The following ECT2L variants were observed in gnomAD, a reference collection of about 807,000 sequenced individuals.
ECT2L encodes the protein epithelial cell transforming 2 like.
ECT2L carries 126 observed loss-of-function variants against 122.8 expected under a neutral mutation model. The ratio of observed to expected loss-of-function variants is 1.03; its 90% confidence interval spans 0.89 to 1.19. ECT2L has a LOEUF of 1.19. Among genes scored for constraint, ECT2L ranks in the 50% most tolerant of loss-of-function variants. ECT2L has a pLI of 0.00. For missense variants in ECT2L, 1,012 were observed against 1,064.1 expected (o/e 0.95, Z 0.68); for synonymous variants, 385 against 381.8 (o/e 1.01, Z -0.10).
At chr6:138,820,517 T>A (rs1336360120) in intron 4 of ECT2L, among the ~76,000 whole-genome samples, 1 of 152,102 alleles carries the variant, frequency 6.6e-6, no homozygotes, top group Non-Finnish European at 1.5e-5. Context: ...TTGCTAAATC[T>A]GAAGCTGCCG....
chr6:138,864,879 GA>G (rs1479742895), intron 11 of ECT2L, 116 bp from the exon 12 acceptor site: 14 of 966,968 alleles, frequency 1.4e-5, no homozygotes, highest in Non-Finnish European at 2.1e-5. Context: ...CTTCTAATGA[GA>G]AACGATAATA....
At chr6:138,857,329 A>T (rs928866885) in intron 10 of ECT2L, among the ~76,000 whole-genome samples, 2 of 152,150 alleles carry the variant, frequency 1.3e-5, no homozygotes, top group African/African-American at 4.8e-5. Context: ...TGGTTAAACT[A>T]CACATTGCTG....
chr6:138,894,159 C>A (rs112406868), intron 20 of ECT2L, among the ~76,000 whole-genome samples: 2 of 152,204 alleles, frequency 1.3e-5, no homozygotes, highest in East Asian at 3.9e-4. Context: ...CAGGTTCAAG[C>A]GATTCTCCTG....
At chr6:138,830,748 A>AT (rs1157628259) in intron 4 of ECT2L, among the ~76,000 whole-genome samples, 7 of 152,126 alleles carry the variant, frequency 4.6e-5, no homozygotes, top group South Asian at 2.1e-4. Flanking sequence ...TGTCCTTTCC[A>AT]TGTTGTTTAA....
chr6:138,817,300 T>G (rs1473084084), intron 4 of ECT2L, among the ~76,000 whole-genome samples: 1 of 152,214 alleles, frequency 6.6e-6, no homozygotes, highest in Non-Finnish European at 1.5e-5. Flanking sequence ...CATATAGGAG[T>G]GGAATTGCTG....
intron 1 of ECT2L, among the ~76,000 whole-genome samples, chr6:138,798,753 A>ACTC (rs1583532513): frequency 6.6e-6 from 1 of 152,142 alleles, no homozygotes; most frequent in Non-Finnish European, 1.5e-5. Flanking sequence ...CCTAAGATGG[A>ACTC]CTCTGTACTT....
chr6:138,809,381 G>T (rs1441278533), intron 1 of ECT2L, among the ~76,000 whole-genome samples: 1 of 152,194 alleles, frequency 6.6e-6, no homozygotes, highest in Non-Finnish European at 1.5e-5. Context: ...TGGGAGGCTT[G>T]CATGAGTCTG....
intron 20 of ECT2L, among the ~76,000 whole-genome samples, chr6:138,895,001 G>C (rs193101549): frequency 3.9e-4 from 59 of 152,112 alleles, no homozygotes; most frequent in Admixed American, 3.2e-3. Context: ...GCTCATTCCC[G>C]TAATCCCAGC....
At chr6:138,840,648 T>C (rs1310180773) in intron 5 of ECT2L, among the ~76,000 whole-genome samples, 1 of 152,158 alleles carries the variant, frequency 6.6e-6, no homozygotes, top group Non-Finnish European at 1.5e-5. Flanking sequence ...TCAGAAGTTT[T>C]ATTGTTGATC....
At chr6:138,871,686 G>C (rs1778258430) in intron 13 of ECT2L, among the ~76,000 whole-genome samples, 2 of 152,056 alleles carry the variant, frequency 1.3e-5, no homozygotes, top group South Asian at 4.2e-4. Flanking sequence ...CACACCTGTA[G>C]TTCCAGCTAC....
intron 12 of ECT2L, among the ~76,000 whole-genome samples, chr6:138,867,202 A>G (rs1014726492): frequency 6.6e-6 from 1 of 152,206 alleles, no homozygotes; most frequent in Non-Finnish European, 1.5e-5. Context: ...TCCTTTTCAC[A>G]TGCTCTCTCC....
intron 10 of ECT2L, among the ~76,000 whole-genome samples, chr6:138,857,395 CCTTT>C (rs1190893317): frequency 6.6e-6 from 1 of 152,066 alleles, no homozygotes; most frequent in South Asian, 2.1e-4. Flanking sequence ...GGAGAATTTT[CCTTT>C]CTATCAAGTT....
Position 138,876,559 on chromosome 6 carries a change from G to C in ECT2L, c.1665+1G>C, listed in dbSNP as rs1425537516. The C allele has an allele frequency of 1.3e-6, 2 of 1,598,026 alleles. No homozygotes were observed. The highest frequency in any genetic ancestry group is 1.7e-6 in the Non-Finnish European group (2 of 1,166,568). ...AAATTTTGAAGCACTGATTAATCTGGTAAGCTATTATATAATGTAACTTTA... is the reference window on the plus strand; with the variant it reads ...AAATTTTGAAGCACTGATTAATCTGCTAAGCTATTATATAATGTAACTTTA... On this transcript the variant is annotated splice_donor_variant, in intron 14 of 21. Coordinates refer to ENST00000541398, the MANE Select transcript of ECT2L (RefSeq NM_001077706.3). LOFTEE classifies it high-confidence loss of function.
At chr6:138,865,973 G>C (rs1163680703) in intron 12 of ECT2L, among the ~76,000 whole-genome samples, 1 of 152,154 alleles carries the variant, frequency 6.6e-6, no homozygotes, top group African/African-American at 2.4e-5. Flanking sequence ...TAACACGCAA[G>C]CGTGCAAGTA....
At chr6:138,850,176 T>C (rs1777385195) in intron 9 of ECT2L, among the ~76,000 whole-genome samples, 1 of 152,052 alleles carries the variant, frequency 6.6e-6, no homozygotes, top group African/African-American at 2.4e-5. Flanking sequence ...GTCTTGCTCT[T>C]GTCGCCCAGG....
chr6:138,850,657 T>C (rs921930138), intron 9 of ECT2L, among the ~76,000 whole-genome samples: 1 of 152,238 alleles, frequency 6.6e-6, no homozygotes, highest in Non-Finnish European at 1.5e-5. Context: ...TTTGGATATA[T>C]ACCCAGAAAT....
chr6:138,881,188 T>C lies in ECT2L; in HGVS notation c.1880+17T>C, dbSNP rs770906141. ...TCTCAACAGGTAAACCCTGAATATG[T>C]ATTTTTTTTAATATTCATTGTGCAC... On this transcript the variant is annotated intron_variant, in intron 15 of 21. Coordinates refer to ENST00000541398, the MANE Select transcript of ECT2L (RefSeq NM_001077706.3). 4 of 1,604,420 alleles carry C rather than the reference T, an allele frequency of 2.5e-6. No homozygotes were observed. The highest frequency in any genetic ancestry group is 1.1e-5 in the South Asian group (1 of 90,232).
At chr6:138,883,305 G>T (rs907188545) in intron 16 of ECT2L, among the ~76,000 whole-genome samples, 1 of 152,132 alleles carries the variant, frequency 6.6e-6, no homozygotes, top group African/African-American at 2.4e-5. Flanking sequence ...GGAATGTCTT[G>T]GTCTTACATT....
intron 20 of ECT2L, among the ~76,000 whole-genome samples, chr6:138,898,448 C>A (rs932600007): frequency 6.6e-6 from 1 of 152,168 alleles, no homozygotes; most frequent in Non-Finnish European, 1.5e-5. Flanking sequence ...AGTAGCTGAA[C>A]CTGAAACATG....
Sources: allele counts gnomAD v4.1 joint callset (sites outside exome capture counted in the v4.1 genomes callset), GRCh38; gene constraint gnomAD v4.1.1; transcripts MANE v1.5; gene names NCBI Gene and HGNC (gene_info 2026-07-23, HGNC 2026-07-21).